FBLN2: variants seen among roughly 807,000 people sequenced by gnomAD.
FBLN2 encodes the protein fibulin-2.
A neutral mutation model predicts 123.7 loss-of-function variants in FBLN2; 81 were observed. The ratio of observed to expected loss-of-function variants is 0.65; its 90% confidence interval spans 0.55 to 0.79. The LOEUF is 0.79. Ranked by LOEUF, FBLN2 falls within the 30% of genes least tolerant of loss-of-function variation. The probability of loss-of-function intolerance (pLI) is 0.00; values close to 1 mark genes in which losing one functional copy is unlikely to be tolerated. For synonymous variants in FBLN2, 699 were observed against 701.4 expected, an observed-to-expected ratio of 1.00 and a Z score of 0.05; for missense variants, 1,603 against 1,681.3, an observed-to-expected ratio of 0.95 and a Z score of 0.81.
Position 13,614,096 on chromosome 3 carries a change from A to G in FBLN2, c.1661A>G (p.Glu554Gly), listed in dbSNP as rs747032472. ...AATCATGTCATGCTCTCCTGCTGTGAGGGTGAAGAGCCTCTCATAGTACCT... is the reference window on the plus strand; with the variant it reads ...AATCATGTCATGCTCTCCTGCTGTGGGGGTGAAGAGCCTCTCATAGTACCT... ...PCNHVMLSCC[E>G]GEEPLIVPEV... The change falls in exon 5 of 18, where the codon GAG becomes GGG. Residue 554 changes from glutamate (E) to glycine (G), a missense_variant. Transcript: ENST00000404922. 6.9e-5 allele frequency: 111 copies of G among 1,613,564 alleles called. No individual in the cohort carries two copies. Among genetic ancestry groups the G allele is most frequent in the Non-Finnish European group, 9.3e-5 (110 of 1,179,866 alleles).
At chr3:13,577,531 G>A (rs1008127517) in intron 2 of FBLN2, among the ~76,000 whole-genome samples, 7 of 152,312 alleles carry the variant, frequency 4.6e-5, no homozygotes, top group African/African-American at 1.4e-4. Context: ...ACAGCAGGGT[G>A]TTGAACAAAG....
At chr3:13,627,406 TC>T (rs1381165261) in intron 10 of FBLN2, among the ~76,000 whole-genome samples, 1 of 152,066 alleles carries the variant, frequency 6.6e-6, no homozygotes, top group African/African-American at 2.4e-5. Flanking sequence ...TATCCCCACT[TC>T]CGCCCCCTGC....
At chr3:13,569,032 AG>A (rs1472017329) in intron 1 of FBLN2, 1 of 985,936 alleles carries the variant, frequency 1.0e-6, no homozygotes, top group African/African-American at 1.7e-5. Context: ...GAGTCGGAGA[AG>A]GAGCTCTTGC....
intron 2 of FBLN2, among the ~76,000 whole-genome samples, chr3:13,593,740 A>G (rs1704752296): frequency 7.0e-6 from 1 of 142,660 alleles, no homozygotes; most frequent in Non-Finnish European, 1.5e-5. Context: ...AAAGTGGAAG[A>G]TAATTGCCCC....
chr3:13,601,780 A>G (rs1032369666), intron 2 of FBLN2, among the ~76,000 whole-genome samples: 4 of 152,224 alleles, frequency 2.6e-5, no homozygotes, highest in Non-Finnish European at 5.9e-5. Flanking sequence ...AGGCTCTCAC[A>G]GTGCTGACTG....
At chr3:13,587,118 C>T (rs1218710651) in intron 2 of FBLN2, among the ~76,000 whole-genome samples, 2 of 139,112 alleles carry the variant, frequency 1.4e-5, no homozygotes, top group South Asian at 2.2e-4. Flanking sequence ...GCATTCCAGC[C>T]GGGGTGACAC....
intron 9 of FBLN2, among the ~76,000 whole-genome samples, chr3:13,623,560 A>G (rs571006543): frequency 6.6e-6 from 1 of 152,014 alleles, no homozygotes; most frequent in Admixed American, 6.5e-5. Context: ...CGTCATTTGT[A>G]CGTCCACAAA....
intron 14 of FBLN2, 43 bp downstream of exon 14, chr3:13,629,988 G>A: frequency 6.2e-7 from 1 of 1,601,060 alleles, no homozygotes; most frequent in Non-Finnish European, 8.5e-7. Context: ...CCTGGTATCT[G>A]TAGTGGGCAG....
At chr3:13,637,502 C>G (rs2124917165) in intron 17 of FBLN2, 60 bp from the exon 18 acceptor site, 1 of 1,456,246 alleles carries the variant, frequency 6.9e-7, no homozygotes, top group Non-Finnish European at 9.3e-7. Context: ...CATCTGTGTC[C>G]CCGTCTGGGG....
chr3:13,603,562 G>A (rs552820333), intron 2 of FBLN2, among the ~76,000 whole-genome samples: 63 of 152,208 alleles, frequency 4.1e-4, no homozygotes, highest in African/African-American at 1.3e-3. Context: ...CAAAGGACAT[G>A]AACTCATCCT....
At chr3:13,628,792 C>T in intron 11 of FBLN2, 113 bp from the exon 12 acceptor site, 1 of 1,273,728 alleles carries the variant, frequency 7.9e-7, no homozygotes, top group Non-Finnish European at 1.1e-6. Flanking sequence ...GCAACTCTGA[C>T]CAGGGCAGGT....
rs1272543945 is a variant in FBLN2 at position 13,621,816 on chromosome 3, C to T, written c.2197C>T (p.Arg733Ter). 1.7e-5 allele frequency: 28 copies of T among 1,613,896 alleles called. No individual in the cohort carries two copies. The highest frequency in any genetic ancestry group is 3.3e-5 in the Admixed American group (2 of 60,006). ...CLMGAHDCSR[R>*]QFCVNTLGSF... ...GATGGGTGCTCACGATTGTAGCCGGCGACAGTTCTGTGTGAACACCCTGGG... is the reference window on the plus strand; with the variant it reads ...GATGGGTGCTCACGATTGTAGCCGGTGACAGTTCTGTGTGAACACCCTGGG... Residue 733 changes from arginine to a stop codon, truncating the protein, a stop_gained, in exon 9 of 18, where the codon CGA (arginine) becomes TGA (stop). Coordinates refer to ENST00000404922, the MANE Select transcript of FBLN2 (RefSeq NM_001004019.2). LOFTEE classifies it high-confidence loss of function.
At chr3:13,566,540 C>T (rs1445241282) in intron 1 of FBLN2, 1 of 152,326 alleles carries the variant, frequency 6.6e-6, no homozygotes, top group African/African-American at 2.4e-5. Flanking sequence ...GCTATTCTCC[C>T]AGGTGAGCCA....
chr3:13,637,218 G>A (rs570572404), intron 17 of FBLN2, among the ~76,000 whole-genome samples: 4 of 152,298 alleles, frequency 2.6e-5, no homozygotes, highest in Non-Finnish European at 1.5e-5. Context: ...GGGAGAAGGA[G>A]GAGGAAGGGA....
intron 16 of FBLN2, among the ~76,000 whole-genome samples, chr3:13,634,656 G>A (rs115600601): frequency 0.013 from 1,917 of 152,344 alleles, 51 homozygotes; most frequent in African/African-American, 0.043. Context: ...GCCTCTTGCC[G>A]TGTTTTCTCC....
At chr3:13,607,736 T>A (rs1574978418) in intron 2 of FBLN2, among the ~76,000 whole-genome samples, 1 of 152,266 alleles carries the variant, frequency 6.6e-6, no homozygotes, top group East Asian at 1.9e-4. Flanking sequence ...TGGACAAAGC[T>A]GTGGCCCACG....
chr3:13,626,906 C>T (rs996429306), intron 10 of FBLN2, among the ~76,000 whole-genome samples: 5 of 152,142 alleles, frequency 3.3e-5, no homozygotes, highest in African/African-American at 9.7e-5. Flanking sequence ...GTGGAGCCCA[C>T]AGAGGGTTCA....
chr3:13,553,743 G>T (rs568384260), intron 1 of FBLN2, among the ~76,000 whole-genome samples: 5 of 152,204 alleles, frequency 3.3e-5, no homozygotes, highest in African/African-American at 1.2e-4. Context: ...TATTGTAGGC[G>T]GCCAGTGCGT....
chr3:13,618,809 C>T, intron 6 of FBLN2, 95 bp from the exon 7 acceptor site: 1 of 797,958 alleles, frequency 1.3e-6, no homozygotes, highest in Non-Finnish European at 2.1e-6. Context: ...AATGTCAGTG[C>T]CCTGTGTGAG....
Sources: gnomAD v4.1 joint callset for allele counts (sites outside exome capture counted in the v4.1 genomes callset) on GRCh38, gnomAD v4.1.1 for gene constraint, MANE v1.5 for transcripts, NCBI Gene and HGNC (gene_info 2026-07-23, HGNC 2026-07-21) for gene names.